SPTBN4: variants seen among roughly 807,000 people sequenced by gnomAD.
SPTBN4 encodes spectrin beta, non-erythrocytic 4, also known as spectrin beta chain, non-erythrocytic 4.
In SPTBN4, 96 loss-of-function variants were observed where a neutral mutation model predicts 277.8. That is an observed-to-expected ratio of 0.35 (90% CI 0.29 to 0.41). SPTBN4 has a LOEUF of 0.41. Ranked by LOEUF, SPTBN4 falls within the 10% of genes least tolerant of loss-of-function variation. The pLI is 1.00. For missense variants in SPTBN4, 3,006 were observed against 3,595.7 expected (o/e 0.84, Z 4.19); for synonymous variants, 1,481 against 1,580.3 (o/e 0.94, Z 1.49).
Position 40,481,423 on chromosome 19 carries a change from T to C in SPTBN4, c.170-6274T>C, listed in dbSNP as rs185515807. Among the ~76,000 whole-genome samples the C allele has an allele frequency of 6.0e-3, 920 of 152,234 alleles. 16 individuals are homozygous for C. Among genetic ancestry groups the C allele is most frequent in the African/African-American group, 0.021 (865 of 41,542 alleles). On this transcript the variant is annotated intron_variant, in intron 2 of 35. Transcript: ENST00000598249. ...TCGTTTTATATTCCCACTAGCAGTG[T>C]ACCAGAGATTCAGTTACTGTGCACC...
At position 40,497,516 on chromosome 19, in the gene SPTBN4, C is replaced by T. The variant is rs1218489884; in HGVS notation, c.696C>T (p.Leu232=). The change falls in exon 7 of 36, where the codon CTC becomes CTT. Residue 232 remains leucine, a synonymous_variant. Coordinates refer to ENST00000598249, the MANE Select transcript of SPTBN4 (RefSeq NM_020971.3). The part of the protein sequence containing the change: ...HRPDLVDFSK[L]TKSNANYNLQ... ...CTGATCTCGTGGACTTCAGCAAACT[C>T]ACCAAGTCCAATGCCAACTACAACC... 5 of 1,614,022 alleles carry T rather than the reference C, an allele frequency of 3.1e-6. No homozygotes were observed. Among genetic ancestry groups the T allele is most frequent in the Admixed American group, 3.3e-5 (2 of 60,002 alleles).
rs2081031361 is a variant in SPTBN4, at chr19:40,560,477, G to A, written c.5915+74G>A. The stretch of plus-strand genomic sequence containing the variant: ...CCCAGCCACCCCCAGCCCATTGACA[G>A]CCCCCTTCTCAATGGAATGACAACA... On this transcript the variant is annotated intron_variant, in intron 27 of 35. Coordinates refer to ENST00000598249, the MANE Select transcript of SPTBN4 (RefSeq NM_020971.3). This position sits in a 1 kb window ranked among gnomAD's most constrained non-coding sequence, Gnocchi z 5.2. 6.2e-7 allele frequency: 1 copy of A among 1,606,432 alleles called. No homozygotes were observed.
In SPTBN4 at chr19:40,571,860, G is replaced by A. The variant is rs368195737; in HGVS notation, c.7320-159G>A. The A allele has an allele frequency of 1.0e-4, 77 of 753,092 alleles. No homozygotes were observed. In the African/African-American group the frequency reaches 1.3e-3, roughly 12 times the overall value. The allele number at this position is 753,092 out of a possible 1,614,324, so 46.7% of individuals were successfully genotyped here. A position where few individuals can be genotyped will look rare whatever the true frequency, so the allele number is the denominator to read the frequency against. On this transcript the variant is annotated intron_variant, in intron 33 of 35. Transcript: ENST00000598249. ...AAATGCTCCCCTCAGGGCAGCAACA[G>A]CCTTAAGGAAGAGCATTTTAGGTCC...
chr19:40,529,112 T>C lies in SPTBN4; in HGVS notation c.3929T>C (p.Phe1310Ser), dbSNP rs1047859771. The change falls in exon 18 of 36, where the codon TTC becomes TCC. Residue 1310 changes from phenylalanine (F) to serine (S), a missense_variant. This residue lies in a region of SPTBN4 where 1,759 missense variants were observed against 2,061.5 expected (regional missense o/e 0.85). Transcript: ENST00000598249. ...KLHDQLELQH[F>S]LRDCHELDGW... is the part of the protein sequence containing the mutation. ...CATGACCAACTTGAGCTGCAGCACTTCCTCCGAGACTGCCACGAGGTAGGA... is the reference window on the plus strand; with the variant it reads ...CATGACCAACTTGAGCTGCAGCACTCCCTCCGAGACTGCCACGAGGTAGGA... 1 of 1,613,964 alleles carries C rather than the reference T, an allele frequency of 6.2e-7. No individual in the cohort carries two copies. Among genetic ancestry groups the C allele is most frequent in the Non-Finnish European group, 8.5e-7 (1 of 1,179,916 alleles).
intron 13 of SPTBN4, among the ~76,000 whole-genome samples, chr19:40,512,309 GTGTGACAGACCCAGGTCCTGCCC>G (rs2080399445): frequency 6.6e-6 from 1 of 152,206 alleles, no homozygotes. Context: ...TTGGGATAGG[GTGTGACAGACCCAGGTCCTGCCC>G]TTAAGGAGCT....
In SPTBN4 at chr19:40,557,418, G is replaced by A; in HGVS notation, c.5670+15G>A. ...TCGTGTCCCAGGTGGGGCGCCGGTG[G>A]CCATCAGGGCAGGTGGGAGGGCCTG... On this transcript the variant is annotated intron_variant, in intron 26 of 35. Transcript: ENST00000598249. 1.9e-6 allele frequency: 3 copies of A among 1,543,122 alleles called. No individual in the cohort carries two copies. The highest frequency in any genetic ancestry group is 2.6e-6 in the Non-Finnish European group (3 of 1,142,442).
intron 27 of SPTBN4, 77 bp from the exon 28 acceptor site, chr19:40,565,346 G>A: frequency 1.3e-6 from 2 of 1,527,590 alleles, no homozygotes; most frequent in South Asian, 2.6e-5. Flanking sequence ...AGGATTTGGG[G>A]TCACCAGGAG....
At position 40,477,991 on chromosome 19, in the gene SPTBN4, A is replaced by T. The variant is rs554829972; in HGVS notation, c.169+5201A>T. On this transcript the variant is annotated intron_variant, in intron 2 of 35. Coordinates refer to ENST00000598249, the MANE Select transcript of SPTBN4 (RefSeq NM_020971.3). Reference sequence around the variant, plus strand: ...GTAGCTGGGATTACAGGCGCCTGTCACCTTGCCTGGCTAATTTTTGTATTT... The same window carrying T: ...GTAGCTGGGATTACAGGCGCCTGTCTCCTTGCCTGGCTAATTTTTGTATTT... Among the ~76,000 whole-genome samples the T allele has an allele frequency of 3.2e-3, 491 of 152,082 alleles. 4 individuals are homozygous for T. Among genetic ancestry groups the T allele is most frequent in the African/African-American group, 0.011 (458 of 41,494 alleles).
chr19:40,542,083 G>A (rs1421603132), intron 20 of SPTBN4, among the ~76,000 whole-genome samples: 1 of 152,072 alleles, frequency 6.6e-6, no homozygotes, highest in African/African-American at 2.4e-5. Context: ...CACCACGCCC[G>A]GCTAATTTTT....
Position 40,557,187 on chromosome 19 carries a change from G to A in SPTBN4, c.5454G>A (p.Glu1818=), listed in dbSNP as rs1395044641. The change falls in exon 26 of 36, where the codon GAG becomes GAA. Residue 1818 remains glutamate, a synonymous_variant. Transcript: ENST00000598249. ...WKDGLNEAWA[E]LLELMGTRAQ... is the part of the protein sequence containing the mutation. Reference sequence around the variant, plus strand: ...ACGGACTGAACGAGGCCTGGGCTGAGCTGCTGGAGCTCATGGGCACACGGG... The same window carrying A: ...ACGGACTGAACGAGGCCTGGGCTGAACTGCTGGAGCTCATGGGCACACGGG... 6.2e-7 allele frequency: 1 copy of A among 1,610,794 alleles called. No individual in the cohort carries two copies. The highest frequency in any genetic ancestry group is 8.5e-7 in the Non-Finnish European group (1 of 1,177,586).
chr19:40,504,145 GGGC>G lies in SPTBN4; in HGVS notation c.1665+16_1665+18del. 3.4e-6 allele frequency: 4 copies of G among 1,188,232 alleles called. No individual in the cohort carries two copies. The highest frequency in any genetic ancestry group is 1.8e-5 in the African/African-American group (1 of 54,932). 73.6% of individuals were successfully genotyped at this position (1,188,232 alleles called of 1,614,324 possible). On this transcript the variant is annotated intron_variant, in intron 12 of 35. Coordinates refer to ENST00000598249, the MANE Select transcript of SPTBN4 (RefSeq NM_020971.3). ...GGAGGAGATGCAGGTGCCGGCGGGG[GGGC>G]GGGGATGCGGGTGGAGTGCCAGGAG... is the stretch of plus-strand genomic sequence containing the variant.
intron 20 of SPTBN4, 118 bp downstream of exon 20, chr19:40,534,461 C>A: frequency 7.5e-7 from 1 of 1,327,572 alleles, no homozygotes; most frequent in Middle Eastern, 2.7e-4. Flanking sequence ...TTATTTCAAA[C>A]TTGTAGAAGA....
intron 13 of SPTBN4, 112 bp downstream of exon 13, chr19:40,506,498 G>A (rs2080332409): frequency 1.4e-6 from 2 of 1,428,152 alleles, no homozygotes; most frequent in East Asian, 4.8e-5. Context: ...TGTCCTTGGA[G>A]GCATTTAAGC....
At chr19:40,552,100 C>T (rs75867189) in intron 22 of SPTBN4, among the ~76,000 whole-genome samples, 2 of 150,970 alleles carry the variant, frequency 1.3e-5, no homozygotes, top group Non-Finnish European at 3.0e-5. Context: ...GGTGGATCAC[C>T]TGAGGTCAGG....
chr19:40,537,280 G>C (rs1264341822), intron 20 of SPTBN4, among the ~76,000 whole-genome samples: 1 of 152,166 alleles, frequency 6.6e-6, no homozygotes, highest in East Asian at 1.9e-4. Context: ...AAAGTGCTGG[G>C]ATTACAGGCA....
In SPTBN4 at chr19:40,570,457, G is replaced by T; in HGVS notation, c.7048G>T (p.Glu2350Ter). ...ACAGCCGTCGCTGCCTCAGCCACGC[G>T]AGCTTCCCCCAGGTCGCCTGCCCAA... ...PAGPSLPQPR[E>*]LPPGRLPNGL... Residue 2350 changes from glutamate (E) to a stop codon, truncating the protein, a stop_gained, in exon 33 of 36, where the codon GAG (glutamate) becomes TAG (stop). Transcript: ENST00000598249. LOFTEE classifies it high-confidence loss of function. 6.4e-7 allele frequency: 1 copy of T among 1,563,222 alleles called. No homozygotes were observed. The highest frequency in any genetic ancestry group is 1.1e-5 in the South Asian group (1 of 88,808).
At chr19:40,512,315 C>G (rs971095329) in intron 13 of SPTBN4, among the ~76,000 whole-genome samples, 5 of 152,164 alleles carry the variant, frequency 3.3e-5, no homozygotes, top group African/African-American at 4.8e-5. Flanking sequence ...TAGGGTGTGA[C>G]AGACCCAGGT....
intron 2 of SPTBN4, 134 bp downstream of exon 2, chr19:40,472,924 T>A: frequency 3.3e-6 from 3 of 905,478 alleles, no homozygotes; most frequent in South Asian, 2.0e-5. Flanking sequence ...GTGGAAATAG[T>A]CTATATCCAT....
chr19:40,515,299 A>C lies in SPTBN4; in HGVS notation c.2766-12A>C. 1 of 1,612,140 alleles carries C rather than the reference A, an allele frequency of 6.2e-7. No individual in the cohort carries two copies. Among genetic ancestry groups the C allele is most frequent in the Non-Finnish European group, 8.5e-7 (1 of 1,179,296 alleles). On this transcript the variant is annotated splice_polypyrimidine_tract_variant and intron_variant, in intron 14 of 35. Transcript: ENST00000598249. This position sits in a 1 kb window ranked among gnomAD's most constrained non-coding sequence, Gnocchi z 4.1. ...AGGGTTCGGGTGTCTGAGCATCTCC[A>C]TCCTCCTGCAGATTCGAGAGCCTGG... is the stretch of plus-strand genomic sequence containing the variant.
Sources: allele counts gnomAD v4.1 joint callset (sites outside exome capture counted in the v4.1 genomes callset), GRCh38; gene constraint gnomAD v4.1.1; regional missense constraint gnomAD v4.1.1; non-coding constraint Gnocchi (gnomAD v3.1); transcripts MANE v1.5; gene names NCBI Gene and HGNC (gene_info 2026-07-23, HGNC 2026-07-21).